The following IDH1 variants were observed in gnomAD, a reference collection of about 807,000 sequenced individuals.
The protein encoded by IDH1 is isocitrate dehydrogenase (NADP(+)) 1, also known as isocitrate dehydrogenase [NADP] cytoplasmic.
IDH1 carries 33 observed loss-of-function variants against 46.1 expected under a neutral mutation model. The observed-to-expected ratio is 0.72, with a 90% CI of 0.54 to 0.96. The LOEUF (loss-of-function observed/expected upper bound fraction) is 0.96, where lower values mean the gene tolerates loss of function less well. Among genes scored for constraint, IDH1 ranks in the 40% least tolerant of loss-of-function variants. The pLI, the probability that IDH1 is intolerant of heterozygous loss-of-function variation, is 0.00. For synonymous variants in IDH1, 144 were observed against 172.8 expected (o/e 0.83, Z 1.31); for missense variants, 421 against 515.7 (o/e 0.82, Z 1.78).
At chr2:208,245,453 A>G (rs777403667) in intron 4 of IDH1, 29 bp from the exon 5 acceptor site, 2 of 1,210,654 alleles carry the variant, frequency 1.7e-6, no homozygotes, top group Non-Finnish European at 2.5e-6. Context: ...GGTATAAAGA[A>G]AAAAAAAATA....
chr2:208,251,853 T>TAA (rs978127229), intron 2 of IDH1, among the ~76,000 whole-genome samples: 9 of 148,544 alleles, frequency 6.1e-5, no homozygotes, highest in African/African-American at 2.2e-4. Context: ...TTTACTTTGT[T>TAA]AAAAAAAAAA....
At position 208,237,004 on chromosome 2, in the gene IDH1, G is replaced by A. The variant is rs1300173494; in HGVS notation, c.*75C>T. On this transcript the variant is annotated 3_prime_UTR_variant, in exon 10 of 10. Transcript: ENST00000345146. The stretch of plus-strand genomic sequence containing the variant: ...AAATTGATTTTGCCTTTATCCTTGA[G>A]TGTAACACAGAAAAATGTAAACCTG... 1 of 810,194 alleles carries A rather than the reference G, an allele frequency of 1.2e-6. No individual in the cohort carries two copies. The highest frequency in any genetic ancestry group is 2.1e-6 in the Non-Finnish European group (1 of 476,650). The allele number at this position is 810,194 out of a possible 1,614,324, so 50.2% of individuals were successfully genotyped here.
intron 7 of IDH1, 114 bp downstream of exon 7, chr2:208,241,880 T>A: frequency 9.6e-7 from 1 of 1,043,726 alleles, no homozygotes; most frequent in Non-Finnish European, 1.5e-6. Flanking sequence ...ACGGTGGACC[T>A]GGAGGTTTAA....
rs777431979 is a variant in IDH1 at position 208,239,126 on chromosome 2, T to C, written c.1099A>G (p.Ile367Val). 8.1e-6 allele frequency: 13 copies of C among 1,614,046 alleles called. No individual in the cohort carries two copies. The highest frequency in any genetic ancestry group is 1.7e-4 in the Middle Eastern group (1 of 6,058). Residue 367 changes from isoleucine to valine, a missense_variant, in exon 9 of 10, where the codon ATT becomes GTT. Coordinates refer to ENST00000345146, the MANE Select transcript of IDH1 (RefSeq NM_005896.4). ...TCCTTGGTCATGAAGCCAGCCTCAATTGTCTCAATAGAGACTTCTTCCAAA... is the reference window on the plus strand; with the variant it reads ...TCCTTGGTCATGAAGCCAGCCTCAACTGTCTCAATAGAGACTTCTTCCAAA... Reference protein sequence around the residue: ...NALEEVSIETIEAGFMTKDLA... With the variant: ...NALEEVSIETVEAGFMTKDLA...
At chr2:208,242,465 AT>A (rs1232657397) in intron 6 of IDH1, among the ~76,000 whole-genome samples, 1 of 152,196 alleles carries the variant, frequency 6.6e-6, no homozygotes, top group Admixed American at 6.5e-5. Context: ...GATTCTTGAG[AT>A]TCAGCTTATT....
Position 208,239,081 on chromosome 2 carries a change from C to A in IDH1, c.1144G>T (p.Gly382Cys), listed in dbSNP as rs1687869589. ...MTKDLAACIK[G>C]LPNVQRSDYL... Reference sequence around the variant, plus strand: ...GCATCTTATACTTACTTGGGTAAACCTTTAATGCAAGCAGCCAAGTCCTTG... The same window carrying A: ...GCATCTTATACTTACTTGGGTAAACATTTAATGCAAGCAGCCAAGTCCTTG... The change falls in exon 9 of 10, where the codon GGT (glycine) becomes TGT (cysteine). Residue 382 changes from glycine (G) to cysteine (C), a missense_variant. By Grantham distance (159) the Gly-to-Cys change is radical. Coordinates refer to ENST00000345146, the MANE Select transcript of IDH1 (RefSeq NM_005896.4). The A allele has an allele frequency of 6.2e-7, 1 of 1,613,696 alleles. No homozygotes were observed. Among genetic ancestry groups the A allele is most frequent in the South Asian group, 1.1e-5 (1 of 91,064 alleles).
intron 1 of IDH1, among the ~76,000 whole-genome samples, chr2:208,254,736 T>C (rs1165205624): frequency 6.6e-6 from 1 of 151,750 alleles, no homozygotes; most frequent in Non-Finnish European, 1.5e-5. Flanking sequence ...CTTCTGCATA[T>C]CCAAGCATCC....
chr2:208,236,890 A>G lies in IDH1; in HGVS notation c.*189T>C, dbSNP rs987355895. ...AAAAATTGTAAAAAAGTCCCTTGCC[A>G]TGTTCACAAAGGTGGCAATAACTGT... On this transcript the variant is annotated 3_prime_UTR_variant, in exon 10 of 10. Transcript: ENST00000345146. 65 of 568,766 alleles carry G rather than the reference A, an allele frequency of 1.1e-4. No individual in the cohort carries two copies. The highest frequency in any genetic ancestry group is 1.9e-4 in the Non-Finnish European group (61 of 323,426). The allele number at this position is 568,766 out of a possible 1,614,324, so 35.2% of individuals were successfully genotyped here.
chr2:208,243,804 A>G (rs772960865), intron 5 of IDH1, among the ~76,000 whole-genome samples, 200 bp from the exon 6 acceptor site: 2 of 152,262 alleles, frequency 1.3e-5, no homozygotes, highest in Non-Finnish European at 2.9e-5. Flanking sequence ...CTAGATAAGG[A>G]CATTCTAACT....
At chr2:208,243,724 ACT>A in intron 5 of IDH1, 120 bp from the exon 6 acceptor site, 1 of 821,416 alleles carries the variant, frequency 1.2e-6, no homozygotes, top group Non-Finnish European at 2.0e-6. Context: ...CACATCTGAG[ACT>A]AGATTTCAGA....
chr2:208,239,126 T>G lies in IDH1; in HGVS notation c.1099A>C (p.Ile367Leu). Residue 367 changes from isoleucine (I) to leucine (L), a missense_variant, in exon 9 of 10, where the codon ATT (isoleucine) becomes CTT (leucine). Ile to Leu is a conservative substitution (Grantham distance 5). Coordinates refer to ENST00000345146, the MANE Select transcript of IDH1 (RefSeq NM_005896.4). ...TCCTTGGTCATGAAGCCAGCCTCAA[T>G]TGTCTCAATAGAGACTTCTTCCAAA... ...NALEEVSIET[I>L]EAGFMTKDLA... 6.2e-7 allele frequency: 1 copy of G among 1,614,048 alleles called. No individual in the cohort carries two copies. The highest frequency in any genetic ancestry group is 8.5e-7 in the Non-Finnish European group (1 of 1,179,940).
At chr2:208,246,720 G>A (rs1377901844) in intron 4 of IDH1, among the ~76,000 whole-genome samples, 5 of 151,012 alleles carry the variant, frequency 3.3e-5, no homozygotes, top group African/African-American at 7.3e-5. Flanking sequence ...GGAGGCGGGC[G>A]GATCACAAGG....
rs192514135 is a variant in IDH1 at position 208,251,506 on chromosome 2, C to G, written c.46G>C (p.Asp16His). 1.2e-5 allele frequency: 20 copies of G among 1,613,588 alleles called. No individual in the cohort carries two copies. In the Admixed American group the frequency reaches 3.0e-4, roughly 24 times the overall value. ...SGGSVVEMQG[D>H]EMTRIIWELI... ...TCCCAAATGATTCGTGTCATTTCAT[C>G]TCCTTGCATCTCTACCACAGAACCG... Residue 16 changes from aspartate to histidine, a missense_variant, in exon 3 of 10, where the codon GAT becomes CAT. Physicochemically the swap from Asp to His is moderately conservative, Grantham distance 81. Transcript: ENST00000345146.
chr2:208,253,644 C>G (rs1395482936), intron 2 of IDH1, among the ~76,000 whole-genome samples: 1 of 152,176 alleles, frequency 6.6e-6, no homozygotes, highest in Non-Finnish European at 1.5e-5. Flanking sequence ...TCATCAACCT[C>G]AAGTTTTTGG....
chr2:208,253,062 T>C (rs1170083343), intron 2 of IDH1, among the ~76,000 whole-genome samples: 1 of 152,246 alleles, frequency 6.6e-6, no homozygotes, highest in African/African-American at 2.4e-5. Flanking sequence ...ATCTGGTTCC[T>C]GATAATACAC....
At chr2:208,252,867 C>A (rs1003370048) in intron 2 of IDH1, among the ~76,000 whole-genome samples, 3 of 152,186 alleles carry the variant, frequency 2.0e-5, no homozygotes, top group Admixed American at 6.5e-5. Flanking sequence ...TTTGGGGGAA[C>A]CTTCTGGAAC....
chr2:208,242,239 A>G, intron 6 of IDH1, 94 bp from the exon 7 acceptor site: 1 of 1,142,600 alleles, frequency 8.8e-7, no homozygotes, highest in East Asian at 2.4e-5. Context: ...CCGGACACAC[A>G]AGAAGCAGCA....
At chr2:208,243,240 T>G (rs1488309286) in intron 6 of IDH1, among the ~76,000 whole-genome samples, 187 bp downstream of exon 6, 3 of 152,212 alleles carry the variant, frequency 2.0e-5, no homozygotes, top group African/African-American at 7.2e-5. Context: ...ATGTTTATCT[T>G]ATAAAAGCAA....
At chr2:208,238,391 C>T (rs780312542) in intron 9 of IDH1, among the ~76,000 whole-genome samples, 5 of 152,180 alleles carry the variant, frequency 3.3e-5, no homozygotes, top group Non-Finnish European at 5.9e-5. Context: ...CCAAGTATAT[C>T]CCCATTATGG....
Sources: allele counts gnomAD v4.1 joint callset (sites outside exome capture counted in the v4.1 genomes callset), GRCh38; gene constraint gnomAD v4.1.1; transcripts MANE v1.5; gene names NCBI Gene and HGNC (gene_info 2026-07-23, HGNC 2026-07-21).